The following FHOD3 variants were observed in gnomAD, a reference collection of about 807,000 sequenced individuals.
FHOD3 encodes FH1/FH2 domain-containing protein 3.
In FHOD3, 90 loss-of-function variants were observed where a neutral mutation model predicts 173.0. The observed-to-expected ratio is 0.52, with a 90% CI of 0.44 to 0.62. FHOD3 has a LOEUF of 0.62. Among genes scored for constraint, FHOD3 ranks in the 20% least tolerant of loss-of-function variants. The pLI, the probability that FHOD3 is intolerant of heterozygous loss-of-function variation, is 0.00. For missense variants in FHOD3, 1,945 were observed against 2,034.7 expected (o/e 0.96, Z 0.85); for synonymous variants, 828 against 823.0 (o/e 1.01, Z -0.10).
intron 19 of FHOD3, among the ~76,000 whole-genome samples, chr18:36,730,005 G>A (rs2149906935): frequency 6.6e-6 from 1 of 152,260 alleles, no homozygotes. Flanking sequence ...ATCCTCACCA[G>A]TGCATGCCCT....
chr18:36,599,487 A>T (rs1217955073), intron 7 of FHOD3, among the ~76,000 whole-genome samples: 1 of 152,222 alleles, frequency 6.6e-6, no homozygotes, highest in Non-Finnish European at 1.5e-5. Context: ...ACAGAACTCA[A>T]ACTCTCTTTC....
chr18:36,547,022 C>T (rs141797518), intron 5 of FHOD3, among the ~76,000 whole-genome samples: 14 of 152,310 alleles, frequency 9.2e-5, no homozygotes, highest in African/African-American at 2.4e-4. Context: ...GCGCTGACCC[C>T]GCTGAGGGTG....
At chr18:36,303,580 C>T (rs945450526) in intron 1 of FHOD3, among the ~76,000 whole-genome samples, 1 of 152,192 alleles carries the variant, frequency 6.6e-6, no homozygotes, top group Non-Finnish European at 1.5e-5. Context: ...GACTTTAAAA[C>T]AGATTAACAT....
At chr18:36,307,381 A>T (rs1011516519) in intron 1 of FHOD3, among the ~76,000 whole-genome samples, 4 of 152,102 alleles carry the variant, frequency 2.6e-5, no homozygotes, top group African/African-American at 7.2e-5. Flanking sequence ...GCCCAAGAGG[A>T]TGGAAATAGG....
At chr18:36,346,195 G>A (rs2045872650) in intron 1 of FHOD3, among the ~76,000 whole-genome samples, 1 of 152,102 alleles carries the variant, frequency 6.6e-6, no homozygotes, top group South Asian at 2.1e-4. Flanking sequence ...GCGAGGCCTT[G>A]TTTTTACTAA....
chr18:36,396,006 C>G (rs1194283216), intron 3 of FHOD3, among the ~76,000 whole-genome samples: 1 of 152,088 alleles, frequency 6.6e-6, no homozygotes, highest in South Asian at 2.1e-4. Flanking sequence ...AAATTTTGCA[C>G]GTTAACAGTT....
At chr18:36,649,786 T>C (rs1032189125) in intron 11 of FHOD3, among the ~76,000 whole-genome samples, 1 of 152,210 alleles carries the variant, frequency 6.6e-6, no homozygotes, top group Non-Finnish European at 1.5e-5. Flanking sequence ...CATATGTTCC[T>C]TTCTTCCTGA....
At chr18:36,451,015 C>T (rs1396550057) in intron 3 of FHOD3, among the ~76,000 whole-genome samples, 3 of 152,214 alleles carry the variant, frequency 2.0e-5, no homozygotes, top group Non-Finnish European at 4.4e-5. Context: ...TTTATTCCTA[C>T]TACAGTAGTC....
At chr18:36,486,408 C>A (rs759859259) in intron 3 of FHOD3, among the ~76,000 whole-genome samples, 2 of 152,198 alleles carry the variant, frequency 1.3e-5, no homozygotes, top group Non-Finnish European at 2.9e-5. Flanking sequence ...TGTCTCCCAG[C>A]CTGGAGTGCA....
At chr18:36,687,269 A>G (rs1047338384) in intron 16 of FHOD3, 91 bp downstream of exon 16, 3 of 960,920 alleles carry the variant, frequency 3.1e-6, no homozygotes, top group East Asian at 2.6e-5. Flanking sequence ...ATTAAAATAT[A>G]ACTGCTTCAC....
intron 1 of FHOD3, among the ~76,000 whole-genome samples, chr18:36,351,334 A>T (rs1259362643): frequency 6.6e-6 from 1 of 152,078 alleles, no homozygotes; most frequent in Non-Finnish European, 1.5e-5. Flanking sequence ...CTGGCGTAGG[A>T]GGTAATGGCA....
chr18:36,590,640 G>A (rs948312420), intron 6 of FHOD3, among the ~76,000 whole-genome samples: 2 of 152,032 alleles, frequency 1.3e-5, no homozygotes, highest in Non-Finnish European at 2.9e-5. Context: ...CTCAGTAGAA[G>A]CCAAATTCAT....
At chr18:36,686,255 A>G (rs1326328183) in intron 15 of FHOD3, among the ~76,000 whole-genome samples, 1 of 152,096 alleles carries the variant, frequency 6.6e-6, no homozygotes, top group Non-Finnish European at 1.5e-5. Flanking sequence ...CATATACACC[A>G]TGGAATACTA....
chr18:36,775,799 C>T (rs564089803), intron 28 of FHOD3, among the ~76,000 whole-genome samples: 9 of 152,318 alleles, frequency 5.9e-5, no homozygotes, highest in South Asian at 2.1e-4. Context: ...ACTTTGACAC[C>T]GTGAGAACTG....
At chr18:36,730,004 A>G (rs1377566686) in intron 19 of FHOD3, among the ~76,000 whole-genome samples, 1 of 152,102 alleles carries the variant, frequency 6.6e-6, no homozygotes, top group Non-Finnish European at 1.5e-5. Flanking sequence ...CATCCTCACC[A>G]GTGCATGCCC....
intron 5 of FHOD3, among the ~76,000 whole-genome samples, chr18:36,516,426 G>A (rs947520661): frequency 2.0e-5 from 3 of 152,232 alleles, no homozygotes; most frequent in Non-Finnish European, 4.4e-5. Flanking sequence ...GGACAGGCAA[G>A]CCAGCTGAGG....
intron 3 of FHOD3, among the ~76,000 whole-genome samples, chr18:36,485,698 A>C (rs1298858814): frequency 1.3e-5 from 2 of 152,228 alleles, no homozygotes; most frequent in Non-Finnish European, 2.9e-5. Flanking sequence ...CATGATACAT[A>C]ATGGACAACA....
intron 6 of FHOD3, among the ~76,000 whole-genome samples, chr18:36,592,310 T>C (rs2059246675): frequency 6.6e-6 from 1 of 152,242 alleles, no homozygotes; most frequent in Non-Finnish European, 1.5e-5. Flanking sequence ...AATGAGAATT[T>C]CTCTGATCTG....
intron 24 of FHOD3, among the ~76,000 whole-genome samples, chr18:36,753,154 C>A (rs1050165125): frequency 1.3e-5 from 2 of 152,158 alleles, no homozygotes; most frequent in African/African-American, 4.8e-5. Flanking sequence ...TGGGGAACAG[C>A]TGGTACTGGA....
Sources: allele counts gnomAD v4.1 joint callset (sites outside exome capture counted in the v4.1 genomes callset), GRCh38; gene constraint gnomAD v4.1.1; transcripts MANE v1.5; gene names NCBI Gene and HGNC (gene_info 2026-07-23, HGNC 2026-07-21).